The following SLC6A11 variants were observed in gnomAD, a reference collection of about 807,000 sequenced individuals.
SLC6A11 encodes sodium- and chloride-dependent GABA transporter 3.
Under a neutral mutation model 74.8 loss-of-function variants are expected in SLC6A11, and 25 were observed. The observed-to-expected ratio is 0.33, with a 90% CI of 0.24 to 0.47. SLC6A11 has a LOEUF of 0.47. Ranked by LOEUF, SLC6A11 falls within the 20% of genes least tolerant of loss-of-function variation. The pLI, the probability that SLC6A11 is intolerant of heterozygous loss-of-function variation, is 1.00. For synonymous variants in SLC6A11, 330 were observed against 330.2 expected (o/e 1.00, Z 0.01); for missense variants, 574 against 837.0 (o/e 0.69, Z 3.88).
intron 5 of SLC6A11, among the ~76,000 whole-genome samples, chr3:10,873,627 ATCCTG>A (rs57475025): frequency 7.4e-5 from 10 of 135,956 alleles, no homozygotes; most frequent in Non-Finnish European, 9.3e-5. Flanking sequence ...ATCCTATCCT[ATCCTG>A]TCCTGTCCTG....
intron 5 of SLC6A11, among the ~76,000 whole-genome samples, chr3:10,851,640 T>A (rs1342247173): frequency 6.6e-6 from 1 of 152,240 alleles, no homozygotes; most frequent in East Asian, 1.9e-4. Context: ...ACTCATTCAG[T>A]GCTCACAACA....
intron 6 of SLC6A11, among the ~76,000 whole-genome samples, chr3:10,899,436 G>A (rs779162900): frequency 2.0e-5 from 3 of 152,154 alleles, no homozygotes; most frequent in African/African-American, 7.2e-5. Context: ...TGCATCCTTG[G>A]TATGACTACC....
At chr3:10,873,895 A>C (rs892999365) in intron 5 of SLC6A11, among the ~76,000 whole-genome samples, 1 of 152,128 alleles carries the variant, frequency 6.6e-6, no homozygotes, top group Non-Finnish European at 1.5e-5. Flanking sequence ...ATGCTACTCT[A>C]TGCTATCCTA....
intron 3 of SLC6A11, among the ~76,000 whole-genome samples, chr3:10,821,933 AG>A (rs1214308201): frequency 6.6e-6 from 1 of 152,194 alleles, no homozygotes; most frequent in Non-Finnish European, 1.5e-5. Context: ...TGACAATTTC[AG>A]GTTTCCAGGC....
At chr3:10,920,315 A>T (rs1575703792) in intron 8 of SLC6A11, among the ~76,000 whole-genome samples, 1 of 152,242 alleles carries the variant, frequency 6.6e-6, no homozygotes, top group African/African-American at 2.4e-5. Flanking sequence ...GAAGAAAAAA[A>T]AATTCAAATC....
chr3:10,916,686 C>G (rs1695458626), intron 7 of SLC6A11, among the ~76,000 whole-genome samples: 1 of 152,182 alleles, frequency 6.6e-6, no homozygotes, highest in South Asian at 2.1e-4. Flanking sequence ...TGGCTAAGCC[C>G]AAAGTCAGTG....
At position 10,877,995 on chromosome 3, in the gene SLC6A11, A is replaced by G. The variant is rs56814085; in HGVS notation, c.891+2900A>G. On this transcript the variant is annotated intron_variant, in intron 6 of 13. Coordinates refer to ENST00000254488, the MANE Select transcript of SLC6A11 (RefSeq NM_014229.3). ...TGCTGCCACCAGCCTAGTCCAGGCC[A>G]CCACCATCTCCCACTGGAAAACTGT... Among the ~76,000 whole-genome samples the G allele has an allele frequency of 2.9e-3, 445 of 152,300 alleles. 3 individuals carry two copies. Among genetic ancestry groups the G allele is most frequent in the African/African-American group, 0.01 (418 of 41,560 alleles).
At chr3:10,917,401 G>C (rs76785967) in intron 7 of SLC6A11, among the ~76,000 whole-genome samples, 1 of 152,196 alleles carries the variant, frequency 6.6e-6, no homozygotes, top group African/African-American at 2.4e-5. Flanking sequence ...TGCCATGGAG[G>C]CTAGTCATGC....
intron 6 of SLC6A11, among the ~76,000 whole-genome samples, chr3:10,881,828 A>G (rs916354470): frequency 6.6e-6 from 1 of 152,188 alleles, no homozygotes; most frequent in Non-Finnish European, 1.5e-5. Flanking sequence ...TGGCCCGTCC[A>G]TGATCCAGGA....
At chr3:10,829,570 T>G (rs1694266271) in intron 4 of SLC6A11, among the ~76,000 whole-genome samples, 1 of 152,194 alleles carries the variant, frequency 6.6e-6, no homozygotes, top group Non-Finnish European at 1.5e-5. Context: ...AGTGTAGATG[T>G]TAGCGGCAAG....
At chr3:10,938,222 G>C in intron 13 of SLC6A11, 28 bp from the exon 14 acceptor site, 1 of 1,567,360 alleles carries the variant, frequency 6.4e-7, no homozygotes, top group Non-Finnish European at 8.7e-7. Context: ...TAATCACTCA[G>C]ATCTTCCCCT....
intron 4 of SLC6A11, among the ~76,000 whole-genome samples, chr3:10,838,924 C>CA (rs1377766640): frequency 2.6e-5 from 4 of 152,152 alleles, no homozygotes; most frequent in South Asian, 4.1e-4. Context: ...CATCTCCTCC[C>CA]AGTTCCGCTC....
intron 11 of SLC6A11, 163 bp from the exon 12 acceptor site, chr3:10,933,903 C>G: frequency 3.6e-6 from 2 of 552,776 alleles, no homozygotes; most frequent in Non-Finnish European, 6.6e-6. Context: ...ATTCTGAAAC[C>G]TCACACATGT....
chr3:10,912,920 A>T (rs1408937875), intron 7 of SLC6A11, among the ~76,000 whole-genome samples: 1 of 152,102 alleles, frequency 6.6e-6, no homozygotes, highest in East Asian at 1.9e-4. Context: ...CAATAGGTTA[A>T]TATTTCATGG....
chr3:10,851,814 A>C (rs1694580256), intron 5 of SLC6A11, among the ~76,000 whole-genome samples: 1 of 152,208 alleles, frequency 6.6e-6, no homozygotes, highest in South Asian at 2.1e-4. Context: ...CAGTTTTTGC[A>C]GGTGAGGGCA....
At chr3:10,884,600 T>C (rs1321119113) in intron 6 of SLC6A11, among the ~76,000 whole-genome samples, 1 of 152,176 alleles carries the variant, frequency 6.6e-6, no homozygotes, top group Non-Finnish European at 1.5e-5. Context: ...GTACTGAAAC[T>C]GTGTCGTGTC....
At position 10,816,285 on chromosome 3, in the gene SLC6A11, T is replaced by A. The variant is rs1694054434; in HGVS notation, c.20T>A (p.Leu7Gln). 4 of 1,369,944 alleles carry A rather than the reference T, an allele frequency of 2.9e-6. No individual in the cohort carries two copies. In the South Asian group the frequency reaches 5.5e-5, roughly 19 times the overall value. The allele number at this position is 1,369,944 out of a possible 1,614,324, so 84.9% of individuals were successfully genotyped here. The part of the protein sequence containing the change: MTAEKA[L>Q]PLGNGKAAEE... Reference sequence around the variant, plus strand: ...GCGGCCATGACGGCGGAGAAGGCGCTGCCCCTGGGCAATGGGAAGGCTGCT... The same window carrying A: ...GCGGCCATGACGGCGGAGAAGGCGCAGCCCCTGGGCAATGGGAAGGCTGCT... The change falls in exon 1 of 14, where the codon CTG becomes CAG. Residue 7 changes from leucine (L) to glutamine (Q), a missense_variant. Leu to Gln is a moderately radical substitution (Grantham distance 113). Transcript: ENST00000254488. The surrounding 1 kb of genome is among the most constrained non-coding windows in gnomAD (Gnocchi z 4.2).
At chr3:10,887,532 G>T (rs4602370) in intron 6 of SLC6A11, among the ~76,000 whole-genome samples, 101,044 of 151,848 alleles carry the variant, frequency 0.67, 33,924 homozygotes, top group Admixed American at 0.76. Flanking sequence ...TGCAACCTCT[G>T]TCTCCCGGGT....
intron 6 of SLC6A11, among the ~76,000 whole-genome samples, chr3:10,883,423 A>G (rs901816877): frequency 6.6e-6 from 1 of 152,168 alleles, no homozygotes; most frequent in Non-Finnish European, 1.5e-5. Context: ...GCAAGAACAG[A>G]AAGGCCTGTC....
Sources: allele counts gnomAD v4.1 joint callset (sites outside exome capture counted in the v4.1 genomes callset), GRCh38; gene constraint gnomAD v4.1.1; non-coding constraint Gnocchi (gnomAD v3.1); transcripts MANE v1.5; gene names NCBI Gene and HGNC (gene_info 2026-07-23, HGNC 2026-07-21).